The following SORL1 variants were observed in gnomAD, a reference collection of about 807,000 sequenced individuals.
The protein encoded by SORL1 is sortilin related receptor 1, also known as sortilin-related receptor.
A neutral mutation model predicts 273.7 loss-of-function variants in SORL1; 127 were observed. That is an observed-to-expected ratio of 0.46 (90% CI 0.40 to 0.54). The LOEUF is 0.54. Among genes scored for constraint, SORL1 ranks in the 20% least tolerant of loss-of-function variants. SORL1 has a pLI of 0.00. For synonymous variants in SORL1, 1,031 were observed against 1,067.4 expected (o/e 0.97, Z 0.66); for missense variants, 2,494 against 2,846.1 (o/e 0.88, Z 2.81).
chr11:121,604,864 T>A (rs1332975073), intron 33 of SORL1, among the ~76,000 whole-genome samples: 3 of 152,188 alleles, frequency 2.0e-5, no homozygotes, highest in East Asian at 3.9e-4. Flanking sequence ...CTCCTGATAA[T>A]CTAGATCATG....
chr11:121,542,413 TA>T (rs1366560676), intron 12 of SORL1, among the ~76,000 whole-genome samples: 1 of 152,232 alleles, frequency 6.6e-6, no homozygotes, highest in African/African-American at 2.4e-5. Flanking sequence ...TTAAAATCTA[TA>T]ACACATTATC....
intron 6 of SORL1, among the ~76,000 whole-genome samples, chr11:121,511,574 C>G (rs994192817): frequency 3.3e-5 from 5 of 152,148 alleles, no homozygotes; most frequent in African/African-American, 1.2e-4. Context: ...TTTAATAGAT[C>G]CATCATTTCC....
chr11:121,602,313 A>T (rs985856744), intron 32 of SORL1, among the ~76,000 whole-genome samples: 11 of 152,146 alleles, frequency 7.2e-5, no homozygotes. Context: ...TCTATTGACA[A>T]TTTTTTATCA....
At chr11:121,545,477 C>A (rs1464087652) in intron 14 of SORL1, 48 bp downstream of exon 14, 1 of 1,571,684 alleles carries the variant, frequency 6.4e-7, no homozygotes, top group East Asian at 2.3e-5. Context: ...TTTATTCACT[C>A]AGCAGTGTTG....
At chr11:121,575,097 G>C (rs1000103657) in intron 24 of SORL1, among the ~76,000 whole-genome samples, 3 of 152,158 alleles carry the variant, frequency 2.0e-5, no homozygotes, top group Non-Finnish European at 4.4e-5. Context: ...GAATGATAGA[G>C]ATTCTCTGGT....
chr11:121,547,567 C>T (rs376802166), intron 14 of SORL1, among the ~76,000 whole-genome samples: 1 of 151,632 alleles, frequency 6.6e-6, no homozygotes, highest in African/African-American at 2.4e-5. Context: ...GCTCACCCTG[C>T]TTGTATGTGG....
Position 121,591,037 on chromosome 11 carries a change from C to T in SORL1, c.4250C>T (p.Ser1417Phe). 2 of 1,614,230 alleles carry T rather than the reference C, an allele frequency of 1.2e-6. No individual in the cohort carries two copies. Among genetic ancestry groups the T allele is most frequent in the Admixed American group, 1.7e-5 (1 of 60,032 alleles). Reference protein sequence around the residue: ...HILPFSTPGPSTCLPNYYRCS... With the variant: ...HILPFSTPGPFTCLPNYYRCS... ...CTTCCCTTCTCGACTCCTGGGCCCT[C>T]CACGTGTCTGCCCAATTACTACCGC... Residue 1417 changes from serine to phenylalanine, a missense_variant, in exon 31 of 48, where the codon TCC (serine) becomes TTC (phenylalanine). Transcript: ENST00000260197.
At chr11:121,504,264 T>G (rs1272898296) in intron 6 of SORL1, among the ~76,000 whole-genome samples, 2 of 152,178 alleles carry the variant, frequency 1.3e-5, no homozygotes, top group East Asian at 1.9e-4. Flanking sequence ...ATACAAAAAT[T>G]AGCTGGGCGT....
chr11:121,558,876 G>C lies in SORL1; in HGVS notation c.2910+39G>C, dbSNP rs202028765. On this transcript the variant is annotated intron_variant, in intron 20 of 47. Transcript: ENST00000260197. The stretch of plus-strand genomic sequence containing the variant: ...TTGCTGCCGGACAGTCTGCTAGAGC[G>C]GGTGAGGAGCATATGAGATCAGGAG... The C allele has an allele frequency of 1.9e-6, 3 of 1,610,752 alleles. No individual in the cohort carries two copies. The South Asian group carries it at 3.3e-5, about 18-fold the overall frequency.
intron 11 of SORL1, among the ~76,000 whole-genome samples, chr11:121,528,799 G>A (rs1862160470): frequency 6.6e-6 from 1 of 152,154 alleles, no homozygotes; most frequent in South Asian, 2.1e-4. Context: ...GGTCTATATT[G>A]TTGAATATAT....
rs1472998021 is a variant in SORL1 at position 121,496,895 on chromosome 11, A to G, written c.785A>G (p.Asn262Ser). The change falls in exon 6 of 48, where the codon AAT becomes AGT. Residue 262 changes from asparagine to serine, a missense_variant. Asn to Ser is a conservative substitution (Grantham distance 46). Around this residue, in one of 3 missense-constraint regions of SORL1, gnomAD observed 710 missense variants for 882.5 expected, o/e 0.80. Transcript: ENST00000260197. ...SWGIDPYDKP[N>S]TIYIERHEPS... ...GGAATTGATCCCTATGACAAACCAA[A>G]TACCATCTACATTGAACGACATGAA... is the stretch of plus-strand genomic sequence containing the variant. The G allele has an allele frequency of 6.2e-7, 1 of 1,613,152 alleles. No homozygotes were observed. The highest frequency in any genetic ancestry group is 8.5e-7 in the Non-Finnish European group (1 of 1,179,628).
intron 32 of SORL1, among the ~76,000 whole-genome samples, chr11:121,599,911 C>G (rs12274536): frequency 0.042 from 6,401 of 152,158 alleles, 242 homozygotes; most frequent in East Asian, 0.21. Flanking sequence ...TTTGCTTTAT[C>G]ATAAGTGGTC....
intron 32 of SORL1, among the ~76,000 whole-genome samples, chr11:121,601,925 A>G (rs961681693): frequency 4.6e-5 from 7 of 152,160 alleles, no homozygotes; most frequent in Non-Finnish European, 8.8e-5. Flanking sequence ...TGGCAATCCT[A>G]TATAAAATGG....
At chr11:121,549,672 A>G (rs114739102) in intron 14 of SORL1, among the ~76,000 whole-genome samples, 65,992 of 151,370 alleles carry the variant, frequency 0.44, 14,540 homozygotes, top group Middle Eastern at 0.54. Flanking sequence ...AGAGTCTTAA[A>G]TTGGGAACTG....
At chr11:121,543,129 T>TGGA (rs1302920923) in intron 12 of SORL1, among the ~76,000 whole-genome samples, 2 of 150,292 alleles carry the variant, frequency 1.3e-5, no homozygotes, top group Non-Finnish European at 3.0e-5. Context: ...AGGCAGAGCT[T>TGGA]GTAGTGAGCC....
At chr11:121,465,522 G>C in intron 1 of SORL1, among the ~76,000 whole-genome samples, 1 of 151,908 alleles carries the variant, frequency 6.6e-6, no homozygotes, top group East Asian at 1.9e-4. Flanking sequence ...CTGGGGTTGG[G>C]GTGTGTCTCC....
chr11:121,622,687 C>G (rs925551559), intron 45 of SORL1, among the ~76,000 whole-genome samples: 1 of 152,214 alleles, frequency 6.6e-6, no homozygotes, highest in African/African-American at 2.4e-5. Flanking sequence ...TCTCAGCACT[C>G]TCTTCCCAGA....
Position 121,625,280 on chromosome 11 carries a change from G to A in SORL1, c.6364+3G>A, listed in dbSNP as rs1220083330. On this transcript the variant is annotated splice_donor_region_variant and intron_variant, in intron 46 of 47. Coordinates refer to ENST00000260197, the MANE Select transcript of SORL1 (RefSeq NM_003105.6). ...GCTGTACGATGAGCTGGGGTCTGGT[G>A]AGTTGCGATTGCTGCCCGTTTCTGT... The A allele has an allele frequency of 2.5e-6, 4 of 1,605,044 alleles. No homozygotes were observed. The East Asian group carries it at 9.0e-5, about 36-fold the overall frequency.
Position 121,549,857 on chromosome 11 carries a change from A to T in SORL1, c.2052-103A>T, listed in dbSNP as rs557775835. On this transcript the variant is annotated intron_variant, in intron 14 of 47. Coordinates refer to ENST00000260197, the MANE Select transcript of SORL1 (RefSeq NM_003105.6). Reference sequence around the variant, plus strand: ...TTTAAAGGGACATGTTAAATAACTTATAATAAAAGTGAAAAGTAGTAAGGT... The same window carrying T: ...TTTAAAGGGACATGTTAAATAACTTTTAATAAAAGTGAAAAGTAGTAAGGT... 4 of 943,378 alleles carry T rather than the reference A, an allele frequency of 4.2e-6. No individual in the cohort carries two copies. The South Asian group carries it at 7.1e-5, about 17-fold the overall frequency. The allele number at this position is 943,378 out of a possible 1,614,324, so 58.4% of individuals were successfully genotyped here. A position where few individuals can be genotyped will look rare whatever the true frequency, so the allele number is the denominator to read the frequency against.
Sources: gnomAD v4.1 joint callset for allele counts (sites outside exome capture counted in the v4.1 genomes callset) on GRCh38, gnomAD v4.1.1 for gene constraint, gnomAD v4.1.1 regional missense constraint, MANE v1.5 for transcripts, NCBI Gene and HGNC (gene_info 2026-07-23, HGNC 2026-07-21) for gene names.